Variants in CSNK1G1 observed in about 807,000 individuals in gnomAD.
CSNK1G1 encodes casein kinase I isoform gamma-1.
In CSNK1G1, 22 loss-of-function variants were observed where a neutral mutation model predicts 59.6. The observed-to-expected ratio is 0.37, with a 90% confidence interval of 0.26 to 0.53. The LOEUF (loss-of-function observed/expected upper bound fraction) is 0.53, where lower values mean the gene tolerates loss of function less well. CSNK1G1 is among the 20% of genes least tolerant of loss of function. CSNK1G1 has a pLI of 0.89. For missense variants in CSNK1G1, 384 were observed against 519.5 expected, an observed-to-expected ratio of 0.74 and a Z score of 2.54; for synonymous variants, 179 against 177.1, an observed-to-expected ratio of 1.01 and a Z score of -0.08.
intron 2 of CSNK1G1, among the ~76,000 whole-genome samples, chr15:64,285,441 A>C (rs1159105490): frequency 6.6e-6 from 1 of 152,222 alleles, no homozygotes; most frequent in Admixed American, 6.5e-5. Flanking sequence ...TCTATAGTCT[A>C]GATGTTCAAA....
At chr15:64,338,983 C>T (rs1897547021) in intron 1 of CSNK1G1, among the ~76,000 whole-genome samples, 1 of 151,968 alleles carries the variant, frequency 6.6e-6, no homozygotes, top group Non-Finnish European at 1.5e-5. Context: ...CGCCACTGCA[C>T]TACAGCCTGG....
intron 10 of CSNK1G1, among the ~76,000 whole-genome samples, chr15:64,199,934 A>T (rs1026421563): frequency 6.6e-6 from 1 of 152,218 alleles, no homozygotes; most frequent in Non-Finnish European, 1.5e-5. Flanking sequence ...TTTAAAAAAT[A>T]AAAAATATTC....
Position 64,259,156 on chromosome 15 carries a change from A to G in CSNK1G1, c.222+45T>C, listed in dbSNP as rs367555679. ...TATTTCCTATAAAAAGATATAAGCA[A>G]TGGGAGCACCAAAACATTAATTACC... is the stretch of plus-strand genomic sequence containing the variant. On this transcript the variant is annotated intron_variant, in intron 3 of 11. Transcript: ENST00000303052. 21 of 1,494,472 alleles carry G rather than the reference A, an allele frequency of 1.4e-5. No homozygotes were observed. In the East Asian group the frequency reaches 1.6e-4, roughly 11 times the overall value. The allele number at this position is 1,494,472 out of a possible 1,614,324, so 92.6% of individuals were successfully genotyped here.
At chr15:64,345,250 T>C (rs1269227284) in intron 1 of CSNK1G1, among the ~76,000 whole-genome samples, 2 of 152,226 alleles carry the variant, frequency 1.3e-5, no homozygotes, top group Non-Finnish European at 2.9e-5. Flanking sequence ...GACAGCATTC[T>C]ATTACTTTTA....
At chr15:64,245,979 G>A (rs1041080517) in intron 4 of CSNK1G1, among the ~76,000 whole-genome samples, 1 of 152,108 alleles carries the variant, frequency 6.6e-6, no homozygotes, top group African/African-American at 2.4e-5. Context: ...CTTGGTTAAT[G>A]GGTACAAACA....
At chr15:64,231,275 G>C (rs1477170041) in intron 4 of CSNK1G1, among the ~76,000 whole-genome samples, 1 of 149,378 alleles carries the variant, frequency 6.7e-6, no homozygotes, top group Non-Finnish European at 1.5e-5. Flanking sequence ...GCAGTGAGCT[G>C]TGATGACACC....
chr15:64,321,128 A>G (rs189783557), intron 1 of CSNK1G1, among the ~76,000 whole-genome samples: 59 of 152,316 alleles, frequency 3.9e-4, no homozygotes, highest in Non-Finnish European at 1.8e-4. Flanking sequence ...ATTCAAGAGA[A>G]AAATTCCCAT....
intron 1 of CSNK1G1, among the ~76,000 whole-genome samples, chr15:64,354,930 A>C (rs1898558910): frequency 6.6e-6 from 1 of 152,228 alleles, no homozygotes; most frequent in Admixed American, 6.5e-5. Flanking sequence ...AGATTAAGAC[A>C]CAGGCTCAAC....
chr15:64,175,688 A>G (rs1226445917), intron 11 of CSNK1G1, among the ~76,000 whole-genome samples: 1 of 152,174 alleles, frequency 6.6e-6, no homozygotes, highest in Non-Finnish European at 1.5e-5. Context: ...AAACAAAAAC[A>G]AAACAACTCT....
intron 1 of CSNK1G1, among the ~76,000 whole-genome samples, chr15:64,339,028 T>C (rs12913953): frequency 1.3e-5 from 2 of 151,748 alleles, no homozygotes; most frequent in Non-Finnish European, 2.9e-5. Context: ...AAAAAAAAAG[T>C]ACTTCCAAGA....
intron 4 of CSNK1G1, among the ~76,000 whole-genome samples, chr15:64,232,138 G>C (rs2082558557): frequency 6.6e-6 from 1 of 152,188 alleles, no homozygotes; most frequent in Non-Finnish European, 1.5e-5. Flanking sequence ...TGTTAAAAGT[G>C]TGTTAGACTG....
In CSNK1G1 at chr15:64,239,286, T is replaced by C. The variant is rs542482114; in HGVS notation, c.292+12226A>G. On this transcript the variant is annotated intron_variant, in intron 4 of 11. Coordinates refer to ENST00000303052, the MANE Select transcript of CSNK1G1 (RefSeq NM_022048.5). ...CCAAAGAAGCATAACTCTTTAGTAATAGACCCCAATGAAAAGAAATTTTAA... is the reference window on the plus strand; with the variant it reads ...CCAAAGAAGCATAACTCTTTAGTAACAGACCCCAATGAAAAGAAATTTTAA... Among the ~76,000 whole-genome samples, 33 of 152,306 alleles carry C rather than the reference T, an allele frequency of 2.2e-4. 1 individual carries two copies. Among genetic ancestry groups the C allele is most frequent in the Admixed American group, 4.6e-4 (7 of 15,288 alleles).
intron 1 of CSNK1G1, among the ~76,000 whole-genome samples, chr15:64,303,520 G>C (rs1359144182): frequency 6.6e-6 from 1 of 151,948 alleles, no homozygotes; most frequent in South Asian, 2.1e-4. Flanking sequence ...GGGAGGCCAA[G>C]GCGGGTGGAT....
intron 4 of CSNK1G1, among the ~76,000 whole-genome samples, chr15:64,244,625 G>A (rs546907107): frequency 6.6e-6 from 1 of 152,240 alleles, no homozygotes; most frequent in South Asian, 2.1e-4. Flanking sequence ...GCTCACACCT[G>A]TAATCCCAGC....
At chr15:64,196,095 T>C (rs1432658522) in intron 10 of CSNK1G1, among the ~76,000 whole-genome samples, 2 of 152,186 alleles carry the variant, frequency 1.3e-5, no homozygotes, top group Admixed American at 6.5e-5. Context: ...CTCACGCCCA[T>C]AGTCCCAGCT....
intron 1 of CSNK1G1, among the ~76,000 whole-genome samples, chr15:64,351,505 A>C (rs1448392327): frequency 6.6e-6 from 1 of 152,208 alleles, no homozygotes; most frequent in Non-Finnish European, 1.5e-5. Flanking sequence ...AGAAATCTCT[A>C]ACCGTCTCTA....
intron 10 of CSNK1G1, among the ~76,000 whole-genome samples, chr15:64,196,539 C>G (rs1006399294): frequency 2.6e-5 from 4 of 151,952 alleles, no homozygotes; most frequent in Middle Eastern, 3.2e-3. Flanking sequence ...ACAAACTCTG[C>G]CTCCCGGGTT....
At chr15:64,243,995 C>T (rs1891617506) in intron 4 of CSNK1G1, among the ~76,000 whole-genome samples, 1 of 151,814 alleles carries the variant, frequency 6.6e-6, no homozygotes, top group Admixed American at 6.6e-5. Flanking sequence ...ATGGTGAAAC[C>T]CCGTCTCTAC....
intron 3 of CSNK1G1, among the ~76,000 whole-genome samples, chr15:64,251,934 T>C (rs186674189): frequency 6.6e-6 from 1 of 152,344 alleles, no homozygotes; most frequent in Admixed American, 6.5e-5. Flanking sequence ...GCTTGTTTTG[T>C]TCAGAATTTT....
Sources: allele counts gnomAD v4.1 joint callset (sites outside exome capture counted in the v4.1 genomes callset), GRCh38; gene constraint gnomAD v4.1.1; transcripts MANE v1.5; gene names NCBI Gene and HGNC (gene_info 2026-07-23, HGNC 2026-07-21).